Variants in UST observed in about 807,000 individuals in gnomAD.
UST encodes chondroitin sulfate 2-O-sulfotransferase.
UST carries 21 observed loss-of-function variants against 45.6 expected under a neutral mutation model. The ratio of observed to expected loss-of-function variants is 0.46; its 90% confidence interval spans 0.33 to 0.66. The LOEUF (loss-of-function observed/expected upper bound fraction) is 0.66. Ranked by LOEUF, UST falls within the 30% of genes least tolerant of loss-of-function variation. The pLI is 0.02. For synonymous variants in UST, 215 were observed against 200.6 expected (o/e 1.07, Z -0.61); for missense variants, 463 against 512.4 (o/e 0.90, Z 0.93).
chr6:148,921,099 T>C (rs934880833), intron 2 of UST, among the ~76,000 whole-genome samples: 12 of 152,238 alleles, frequency 7.9e-5, no homozygotes, highest in Admixed American at 6.5e-4. Flanking sequence ...GAGGAGTCTA[T>C]TAATTAGTTC....
At chr6:149,019,058 G>T (rs1224320337) in intron 5 of UST, 81 bp from the exon 6 acceptor site, 3 of 1,071,310 alleles carry the variant, frequency 2.8e-6, no homozygotes, top group South Asian at 1.3e-5. Context: ...ATTCAATCAT[G>T]AATTTTACTT....
At chr6:148,974,312 AT>A (rs1292941365) in intron 5 of UST, among the ~76,000 whole-genome samples, 1 of 85,850 alleles carries the variant, frequency 1.2e-5, no homozygotes, top group East Asian at 3.1e-4. Flanking sequence ...AACTTGCCTT[AT>A]AATATTAAAA....
chr6:149,073,296 A>G (rs1484793003), intron 7 of UST, among the ~76,000 whole-genome samples: 2 of 152,226 alleles, frequency 1.3e-5, no homozygotes, highest in East Asian at 3.8e-4. Context: ...AATTTTAAAA[A>G]TTTGTAAATT....
chr6:148,971,168 G>C (rs1399959884), intron 5 of UST, among the ~76,000 whole-genome samples: 3 of 152,130 alleles, frequency 2.0e-5, no homozygotes, highest in Admixed American at 6.6e-5. Context: ...ACTATGCAGT[G>C]GCACCAAACC....
intron 5 of UST, among the ~76,000 whole-genome samples, chr6:148,982,260 G>A (rs929303731): frequency 6.6e-6 from 1 of 152,026 alleles, no homozygotes; most frequent in Non-Finnish European, 1.5e-5. Context: ...CACCACACCT[G>A]GCTAATTTTT....
At chr6:149,018,731 G>A (rs1194006051) in intron 5 of UST, among the ~76,000 whole-genome samples, 1 of 152,160 alleles carries the variant, frequency 6.6e-6, no homozygotes, top group Non-Finnish European at 1.5e-5. Context: ...TGGATGCATG[G>A]ATACACAGAG....
chr6:148,971,070 G>A (rs1780907549), intron 5 of UST, among the ~76,000 whole-genome samples: 1 of 152,186 alleles, frequency 6.6e-6, no homozygotes, highest in Non-Finnish European at 1.5e-5. Context: ...TTAGCAGGGG[G>A]GAGAGGGGAC....
intron 1 of UST, among the ~76,000 whole-genome samples, chr6:148,863,579 A>G (rs1025349236): frequency 2.0e-5 from 3 of 151,924 alleles, no homozygotes; most frequent in Non-Finnish European, 4.4e-5. Flanking sequence ...GAGAAGAGGC[A>G]CTCTATTTTT....
At chr6:148,835,250 T>G (rs112670233) in intron 1 of UST, among the ~76,000 whole-genome samples, 1 of 152,186 alleles carries the variant, frequency 6.6e-6, no homozygotes, top group East Asian at 1.9e-4. Context: ...TAGAGATTAT[T>G]TAAGGTATAC....
chr6:148,864,453 G>C (rs1024999472), intron 1 of UST, among the ~76,000 whole-genome samples: 1 of 152,354 alleles, frequency 6.6e-6, no homozygotes, highest in Non-Finnish European at 1.5e-5. Flanking sequence ...TGCACTTCCC[G>C]GGTGAGGCGA....
intron 1 of UST, among the ~76,000 whole-genome samples, chr6:148,751,618 C>T (rs1447676102): frequency 6.6e-6 from 1 of 152,190 alleles, no homozygotes; most frequent in East Asian, 1.9e-4. Context: ...TAACTGTTAT[C>T]TTGATTTCCC....
In UST at chr6:148,807,250, G is replaced by A. The variant is rs538228069; in HGVS notation, c.247+59573G>A. Among the ~76,000 whole-genome samples, 6 of 152,234 alleles carry A rather than the reference G, an allele frequency of 3.9e-5. No homozygotes were observed. In the South Asian group the frequency reaches 1.2e-3, roughly 32 times the overall value. ...TTACTGATACATTGGATAGACAACT[G>A]GAAAAATACATCTGATTAAGCCTCT... On this transcript the variant is annotated intron_variant, in intron 1 of 7. Coordinates refer to ENST00000367463, the MANE Select transcript of UST (RefSeq NM_005715.3).
chr6:148,861,569 A>G (rs1162525580), intron 1 of UST, among the ~76,000 whole-genome samples: 1 of 151,974 alleles, frequency 6.6e-6, no homozygotes, highest in African/African-American at 2.4e-5. Flanking sequence ...TTGCTTCTCT[A>G]GTTCTTTTAA....
At chr6:148,846,242 A>G (rs1777986899) in intron 1 of UST, among the ~76,000 whole-genome samples, 1 of 151,336 alleles carries the variant, frequency 6.6e-6, no homozygotes, top group Non-Finnish European at 1.5e-5. Context: ...TGTGGCACAT[A>G]TACACCATGG....
intron 1 of UST, among the ~76,000 whole-genome samples, chr6:148,785,852 T>G (rs1776724834): frequency 1.3e-5 from 2 of 152,218 alleles, no homozygotes; most frequent in African/African-American, 4.8e-5. Flanking sequence ...AAATATACAT[T>G]TACTCATTAT....
chr6:148,761,642 C>T (rs1020826557), intron 1 of UST, among the ~76,000 whole-genome samples: 2 of 152,184 alleles, frequency 1.3e-5, no homozygotes, highest in African/African-American at 2.4e-5. Flanking sequence ...CCCGGCAGGG[C>T]TGAGGAAGGA....
At chr6:148,857,003 A>T (rs1778217983) in intron 1 of UST, among the ~76,000 whole-genome samples, 1 of 149,348 alleles carries the variant, frequency 6.7e-6, no homozygotes, top group South Asian at 2.1e-4. Flanking sequence ...TTACTTATAT[A>T]TACATAATAT....
intron 1 of UST, among the ~76,000 whole-genome samples, chr6:148,770,954 A>G (rs1263952913): frequency 1.3e-5 from 2 of 152,234 alleles, no homozygotes; most frequent in Non-Finnish European, 2.9e-5. Flanking sequence ...TCTTGATTAA[A>G]AAAAAAAGTT....
intron 2 of UST, among the ~76,000 whole-genome samples, chr6:148,893,786 A>G (rs1224232744): frequency 1.3e-5 from 2 of 152,244 alleles, no homozygotes; most frequent in African/African-American, 4.8e-5. Flanking sequence ...AGGAGAATGC[A>G]GGAAGCTCAA....
Sources: allele counts gnomAD v4.1 joint callset (sites outside exome capture counted in the v4.1 genomes callset), GRCh38; gene constraint gnomAD v4.1.1; transcripts MANE v1.5; gene names NCBI Gene and HGNC (gene_info 2026-07-23, HGNC 2026-07-21).